Variants in NPIPB2 observed in about 807,000 individuals in gnomAD.
The protein encoded by NPIPB2 is nuclear pore complex interacting protein family member B2.
In NPIPB2, 27 loss-of-function variants were observed where a neutral mutation model predicts 30.8. The ratio of observed to expected loss-of-function variants is 0.88; its 90% CI spans 0.65 to 1.21. NPIPB2 has a LOEUF of 1.21. Among genes scored for constraint, NPIPB2 ranks in the 50% most tolerant of loss-of-function variants. NPIPB2 has a pLI of 0.00. For missense variants in NPIPB2, 440 were observed against 446.2 expected (o/e 0.99, Z 0.13); for synonymous variants, 147 against 162.0 (o/e 0.91, Z 0.70).
intron 1 of NPIPB2, among the ~76,000 whole-genome samples, chr16:11,953,131 T>C (rs1258287507): frequency 6.6e-6 from 1 of 152,146 alleles, no homozygotes; most frequent in Non-Finnish European, 1.5e-5. Flanking sequence ...CAGTGCTGCA[T>C]TGAAAACCCT....
rs762157330 is a variant in NPIPB2, at chr16:11,933,569, T to C, written c.436A>G (p.Lys146Glu). ...TTGATTTTGTCATGATGGTTGATTT[T>C]CGTTGTCACCTTCATCTTACGGATT... Residue 146 changes from lysine to glutamate, a missense_variant, in exon 4 of 8, where the codon AAA (lysine) becomes GAA (glutamate). This residue lies in a region of NPIPB2 where 252 missense variants were observed against 233.0 expected (regional missense o/e 1.08). Coordinates refer to ENST00000399147, the Ensembl canonical transcript of NPIPB2. The C allele has an allele frequency of 8.8e-6, 14 of 1,596,824 alleles. No individual in the cohort carries two copies. The African/African-American group carries it at 1.9e-4, about 21-fold the overall frequency.
intron 1 of NPIPB2, chr16:11,965,227 A>AGCTGCTCTT: frequency 6.6e-7 from 1 of 1,513,434 alleles, no homozygotes. Flanking sequence ...TCAACATTCT[A>AGCTGCTCTT]GCTGCTCTTG....
upstream of NPIPB2, among the ~76,000 whole-genome samples, chr16:11,945,207 A>G (rs1161589233): frequency 6.6e-6 from 1 of 151,980 alleles, no homozygotes; most frequent in East Asian, 1.9e-4. Flanking sequence ...CAAACTAACA[A>G]ATAAATAAAT....
At position 11,951,625 on chromosome 16, in the gene NPIPB2, TACACACACACAC is replaced by T. The variant is rs1214348316; in HGVS notation, c.-583-9523_-583-9512del. On this transcript the variant is annotated intron_variant, in intron 1 of 5. Coordinates refer to the NPIPB2 transcript ENST00000538896. The stretch of plus-strand genomic sequence containing the variant: ...TACAGATGGACACTGCACATACACA[TACACACACACAC>T]ACACACACACACACACACACACACA... 9.4e-5 allele frequency among the ~76,000 whole-genome samples: 9 copies of T among 95,900 alleles called. No homozygotes were observed. The East Asian group carries it at 1.5e-3, about 16-fold the overall frequency. 62.9% of individuals were successfully genotyped at this position (95,900 alleles called of 152,430 possible).
intron 1 of NPIPB2, chr16:11,956,386 T>C: frequency 6.6e-6 from 1 of 152,264 alleles, no homozygotes; most frequent in Non-Finnish European, 1.5e-5. Flanking sequence ...GGATGAGAAA[T>C]GATCTCTTGC....
intron 1 of NPIPB2, among the ~76,000 whole-genome samples, chr16:11,975,155 T>G: frequency 1.4e-5 from 1 of 72,270 alleles, no homozygotes; most frequent in South Asian, 6.1e-4. Context: ...TTTTTTTTTT[T>G]TTTTTTTTTT....
intron 1 of NPIPB2, among the ~76,000 whole-genome samples, chr16:11,963,411 A>G (rs1027707331): frequency 2.0e-5 from 3 of 152,088 alleles, no homozygotes; most frequent in African/African-American, 7.2e-5. Context: ...TAAGTTTTTA[A>G]AGGTTGGGGT....
intron 1 of NPIPB2, among the ~76,000 whole-genome samples, chr16:11,959,020 G>C (rs970542765): frequency 6.6e-6 from 1 of 152,222 alleles, no homozygotes; most frequent in African/African-American, 2.4e-5. Context: ...GTTTGCCCCT[G>C]TATGGCTCTT....
At chr16:11,952,632 T>C (rs1486976877) in intron 1 of NPIPB2, among the ~76,000 whole-genome samples, 1 of 149,146 alleles carries the variant, frequency 6.7e-6, no homozygotes, top group East Asian at 2.0e-4. Flanking sequence ...TGGCACAATC[T>C]CGGCTCACTG....
chr16:11,932,553 G>C (rs1314496888), intron 4 of NPIPB2, among the ~76,000 whole-genome samples: 1 of 150,984 alleles, frequency 6.6e-6, no homozygotes, highest in South Asian at 2.1e-4. Flanking sequence ...CGAGGTGTGC[G>C]GATCATGATG....
intron 1 of NPIPB2, among the ~76,000 whole-genome samples, chr16:11,973,017 G>A (rs547132081): frequency 2.6e-4 from 40 of 151,838 alleles, no homozygotes; most frequent in South Asian, 1.3e-3. Flanking sequence ...AAAATTAGCC[G>A]GGCGCGGTGG....
At chr16:11,965,598 T>G in intron 1 of NPIPB2, 1 of 848,836 alleles carries the variant, frequency 1.2e-6, no homozygotes, top group Non-Finnish European at 1.8e-6. Flanking sequence ...GTGATTTTAA[T>G]GTTTATGGAA....
chr16:11,967,597 T>C lies in NPIPB2; in HGVS notation c.-584+8971A>G, dbSNP rs143855487. The C allele has an allele frequency of 1.1e-5, 17 of 1,613,814 alleles. No individual in the cohort carries two copies. In the African/African-American group the frequency reaches 1.2e-4, roughly 11 times the overall value. ...TCAGGTCTCCTGGGCATGGCTAACATTGACCTGGAAAAGAGCAGGACTGGT... is the reference window on the plus strand; with the variant it reads ...TCAGGTCTCCTGGGCATGGCTAACACTGACCTGGAAAAGAGCAGGACTGGT... On this transcript the variant is annotated intron_variant, in intron 1 of 5. Coordinates refer to the NPIPB2 transcript ENST00000538896.
upstream of NPIPB2, among the ~76,000 whole-genome samples, chr16:11,945,764 A>T (rs964784925): frequency 6.6e-6 from 1 of 152,062 alleles, no homozygotes; most frequent in Admixed American, 6.6e-5. Flanking sequence ...AGGCTGAGGG[A>T]AGGACAGCTG....
upstream of NPIPB2, among the ~76,000 whole-genome samples, chr16:11,943,185 G>A (rs892488571): frequency 2.2e-4 from 33 of 152,090 alleles, no homozygotes; most frequent in Non-Finnish European, 3.7e-4. Context: ...TGGGTGTGGT[G>A]GTGGGCGCCT....
At chr16:11,934,260 A>ACACAC (rs1567465726) in intron 2 of NPIPB2, among the ~76,000 whole-genome samples, 3 of 137,642 alleles carry the variant, frequency 2.2e-5, no homozygotes, top group African/African-American at 5.4e-5. Context: ...ACACACACAT[A>ACACAC]AGAATGACAT....
chr16:11,966,097 C>G (rs2055191264), intron 1 of NPIPB2: 1 of 1,316,742 alleles, frequency 7.6e-7, no homozygotes, highest in African/African-American at 1.5e-5. Context: ...GGCAACAGAG[C>G]AAGACTTTGT....
At chr16:11,951,619 T>TACACACACACACACACACACACAC (rs1237887146) in intron 1 of NPIPB2, among the ~76,000 whole-genome samples, 3 of 115,820 alleles carry the variant, frequency 2.6e-5, no homozygotes, top group African/African-American at 9.7e-5. Flanking sequence ...ACACTGCACA[T>TACACACACACACACACACACACAC]ACACATACAC....
At chr16:11,965,595 T>C in intron 1 of NPIPB2, 1 of 868,956 alleles carries the variant, frequency 1.2e-6, no homozygotes, top group Non-Finnish European at 1.7e-6. Context: ...GCAGTGATTT[T>C]AATGTTTATG....
Sources: gnomAD v4.1 joint callset for allele counts (sites outside exome capture counted in the v4.1 genomes callset) on GRCh38, gnomAD v4.1.1 for gene constraint, gnomAD v4.1.1 regional missense constraint, MANE v1.5 for transcripts, NCBI Gene and HGNC (gene_info 2026-07-23, HGNC 2026-07-21) for gene names.